The following FOXP2 variants were observed in gnomAD, a reference collection of about 807,000 sequenced individuals.
The protein encoded by FOXP2 is forkhead box protein P2.
A neutral mutation model predicts 115.8 loss-of-function variants in FOXP2; 12 were observed. The observed-to-expected ratio is 0.10, with a 90% CI of 0.07 to 0.17. FOXP2 has a LOEUF of 0.17. Ranked by LOEUF, FOXP2 falls within the 10% of genes least tolerant of loss-of-function variation. The pLI, the probability that FOXP2 is intolerant of heterozygous loss-of-function variation, is 1.00. For synonymous variants in FOXP2, 328 were observed against 297.7 expected (o/e 1.10, Z -1.05); for missense variants, 629 against 843.5 (o/e 0.75, Z 3.15).
chr7:114,176,179 TTCTTG>T (rs67055887), intron 1 of FOXP2, among the ~76,000 whole-genome samples: 95,245 of 145,402 alleles, frequency 0.66, 32,599 homozygotes, highest in South Asian at 0.77. Context: ...GATTTCTCTT[TTCTTG>T]TCTTGTCTTG....
At chr7:114,214,919 TAAGCTAGATGAC>T (rs1311931514) in intron 1 of FOXP2, among the ~76,000 whole-genome samples, 2 of 152,238 alleles carry the variant, frequency 1.3e-5, no homozygotes, top group African/African-American at 4.8e-5. Context: ...TCTTTTGGTC[TAAGCTAGATGAC>T]AATTTATGAG....
intron 2 of FOXP2, among the ~76,000 whole-genome samples, chr7:114,437,094 T>A (rs1794386977): frequency 1.3e-5 from 2 of 152,250 alleles, no homozygotes; most frequent in South Asian, 4.1e-4. Context: ...CTTCAATTTA[T>A]TGACCTTTTT....
intron 1 of FOXP2, among the ~76,000 whole-genome samples, chr7:114,125,214 G>A (rs1354434570): frequency 6.6e-6 from 1 of 152,066 alleles, no homozygotes; most frequent in Non-Finnish European, 1.5e-5. Flanking sequence ...ATGAAAGTTT[G>A]ACTAAAAGTT....
At chr7:114,344,199 A>T (rs1445903769) in intron 2 of FOXP2, among the ~76,000 whole-genome samples, 1 of 151,778 alleles carries the variant, frequency 6.6e-6, no homozygotes, top group African/African-American at 2.4e-5. Context: ...TACTAACAGC[A>T]TGCTACACCT....
intron 1 of FOXP2, among the ~76,000 whole-genome samples, chr7:114,117,594 A>T (rs190849957): frequency 1.3e-5 from 2 of 152,242 alleles, no homozygotes; most frequent in East Asian, 3.9e-4. Context: ...GATCTTAAAC[A>T]TTAAATTACT....
chr7:114,463,153 G>C (rs78315655), intron 2 of FOXP2: 5,783 of 361,276 alleles, frequency 0.016, 159 homozygotes, highest in African/African-American at 0.074. Context: ...CTCAGCCTCT[G>C]AAGTAGCTAG....
chr7:114,419,662 T>C (rs148668474), intron 1 of FOXP2, among the ~76,000 whole-genome samples: 35 of 151,716 alleles, frequency 2.3e-4, no homozygotes, highest in African/African-American at 7.5e-4. Context: ...TAAACTATTT[T>C]GAAACTATGC....
At chr7:114,558,555 T>C (rs1212280451) in intron 3 of FOXP2, among the ~76,000 whole-genome samples, 1 of 152,168 alleles carries the variant, frequency 6.6e-6, no homozygotes, top group Non-Finnish European at 1.5e-5. Context: ...TTGTTTGACT[T>C]TATGGGACTG....
intron 1 of FOXP2, among the ~76,000 whole-genome samples, chr7:114,280,121 T>TAAAA (rs1554360933): frequency 6.1e-4 from 84 of 137,818 alleles, no homozygotes; most frequent in South Asian, 1.4e-3. Flanking sequence ...AATAAATAAA[T>TAAAA]AAAAACAGGT....
chr7:114,142,182 C>T (rs1033471601), intron 1 of FOXP2, among the ~76,000 whole-genome samples: 28 of 152,100 alleles, frequency 1.8e-4, no homozygotes, highest in Middle Eastern at 3.2e-3. Context: ...ACCACCACGT[C>T]CAGCCAGTTT....
chr7:114,362,425 A>G (rs1023419662), intron 2 of FOXP2, among the ~76,000 whole-genome samples: 7 of 152,072 alleles, frequency 4.6e-5, no homozygotes, highest in African/African-American at 1.7e-4. Context: ...AAAAGCAAAA[A>G]ACAAAAACAT....
intron 8 of FOXP2, among the ~76,000 whole-genome samples, chr7:114,648,604 A>G (rs2129336189): frequency 6.6e-6 from 1 of 152,242 alleles, no homozygotes; most frequent in South Asian, 2.1e-4. Context: ...AAAGAGAATT[A>G]TGCATTAAAT....
chr7:114,536,075 A>C (rs1292842465), intron 3 of FOXP2, among the ~76,000 whole-genome samples: 1 of 151,476 alleles, frequency 6.6e-6, no homozygotes, highest in African/African-American at 2.4e-5. Context: ...GACAGAGAAA[A>C]ATTTACATAG....
intron 1 of FOXP2, among the ~76,000 whole-genome samples, chr7:114,171,010 G>A (rs143153366): frequency 2.0e-4 from 31 of 152,294 alleles, no homozygotes; most frequent in Admixed American, 1.3e-3. Context: ...AGTGCCTGGC[G>A]TCAAAGCTTC....
At chr7:114,431,836 T>C (rs1261595181) in intron 2 of FOXP2, among the ~76,000 whole-genome samples, 1 of 151,952 alleles carries the variant, frequency 6.6e-6, no homozygotes, top group Non-Finnish European at 1.5e-5. Context: ...TGGAAAACTT[T>C]GAGCAATAAT....
chr7:114,214,674 G>A (rs1794444318), intron 1 of FOXP2, among the ~76,000 whole-genome samples: 1 of 152,070 alleles, frequency 6.6e-6, no homozygotes, highest in Admixed American at 6.5e-5. Context: ...CCTCTGCTGG[G>A]GTCGTTGCTC....
intron 2 of FOXP2, among the ~76,000 whole-genome samples, chr7:114,527,436 T>G (rs1798933523): frequency 6.6e-6 from 1 of 152,102 alleles, no homozygotes; most frequent in South Asian, 2.1e-4. Context: ...TTTCACTATT[T>G]CCTCATCTCC....
chr7:114,617,647 G>A (rs907186727), intron 3 of FOXP2, among the ~76,000 whole-genome samples: 1 of 152,114 alleles, frequency 6.6e-6, no homozygotes, highest in Admixed American at 6.5e-5. Flanking sequence ...ACAAAAATTA[G>A]CCAGGCATGA....
intron 3 of FOXP2, among the ~76,000 whole-genome samples, chr7:114,605,650 T>C (rs1803278646): frequency 6.6e-6 from 1 of 152,120 alleles, no homozygotes; most frequent in Non-Finnish European, 1.5e-5. Context: ...TTGATCGAGG[T>C]GTTTGCCAAC....
Sources: gnomAD v4.1 joint callset for allele counts (sites outside exome capture counted in the v4.1 genomes callset) on GRCh38, gnomAD v4.1.1 for gene constraint, MANE v1.5 for transcripts, NCBI Gene and HGNC (gene_info 2026-07-23, HGNC 2026-07-21) for gene names.